SYNPR: variants seen among roughly 807,000 people sequenced by gnomAD.
SYNPR encodes the protein synaptoporin.
SYNPR carries 23 observed loss-of-function variants against 32.9 expected under a neutral mutation model. That is an observed-to-expected ratio of 0.70 (90% CI 0.50 to 0.99). The LOEUF is 0.99. Ranked by LOEUF, SYNPR falls within the 50% of genes least tolerant of loss-of-function variation. SYNPR has a pLI of 0.00. For synonymous variants in SYNPR, 146 were observed against 135.9 expected, an observed-to-expected ratio of 1.07 and a Z score of -0.52; for missense variants, 318 against 349.3, an observed-to-expected ratio of 0.91 and a Z score of 0.71.
chr3:63,489,800 A>T (rs6809418), intron 3 of SYNPR, among the ~76,000 whole-genome samples: 65,610 of 152,032 alleles, frequency 0.43, 14,209 homozygotes, highest in East Asian at 0.49. Flanking sequence ...GTAAAATAAG[A>T]ATTAGTGGGA....
At chr3:63,595,717 TTATATATATA>T (rs1169780634) in intron 4 of SYNPR, among the ~76,000 whole-genome samples, 768 of 17,712 alleles carry the variant, frequency 0.043, 24 homozygotes, top group Non-Finnish European at 0.068. Context: ...GAATCTTATT[TTATATATATA>T]TATATATATA....
At chr3:63,392,770 T>TTTA (rs1005520098) in intron 2 of SYNPR, among the ~76,000 whole-genome samples, 1 of 152,056 alleles carries the variant, frequency 6.6e-6, no homozygotes, top group African/African-American at 2.4e-5. Context: ...CATTTTCTTT[T>TTTA]TTATTATTAT....
At chr3:63,314,793 C>G (rs964495634) in intron 2 of SYNPR, among the ~76,000 whole-genome samples, 1 of 151,878 alleles carries the variant, frequency 6.6e-6, no homozygotes, top group Non-Finnish European at 1.5e-5. Context: ...TCATGAAATC[C>G]TTGCCTAAGC....
At chr3:63,526,086 C>A (rs556384096) in intron 3 of SYNPR, among the ~76,000 whole-genome samples, 25 of 152,190 alleles carry the variant, frequency 1.6e-4, no homozygotes, top group Non-Finnish European at 3.2e-4. Flanking sequence ...ACAGCCAGTT[C>A]TCTTAGGAAC....
At chr3:63,314,099 C>CCATATATATATAT (rs1560189224) in intron 2 of SYNPR, among the ~76,000 whole-genome samples, 12 of 111,270 alleles carry the variant, frequency 1.1e-4, no homozygotes, top group East Asian at 5.3e-4. Flanking sequence ...ATATATATAT[C>CCATATATATATAT]ACAGTTTCTT....
chr3:63,401,376 A>G (rs1430581426), intron 2 of SYNPR, among the ~76,000 whole-genome samples: 1 of 152,214 alleles, frequency 6.6e-6, no homozygotes, highest in Non-Finnish European at 1.5e-5. Context: ...ATTAGAAGTA[A>G]GAAGAAAAGG....
At chr3:63,259,697 C>G (rs1314791423) in intron 2 of SYNPR, among the ~76,000 whole-genome samples, 1 of 152,176 alleles carries the variant, frequency 6.6e-6, no homozygotes, top group Non-Finnish European at 1.5e-5. Context: ...CACTCCTATT[C>G]AACATAGTGT....
intron 2 of SYNPR, among the ~76,000 whole-genome samples, chr3:63,452,787 C>T (rs1476533832): frequency 2.6e-5 from 4 of 152,114 alleles, no homozygotes; most frequent in Non-Finnish European, 5.9e-5. Flanking sequence ...TAGGCTCTCA[C>T]CCATTATGTT....
At chr3:63,388,881 C>T (rs1298440671) in intron 2 of SYNPR, among the ~76,000 whole-genome samples, 1 of 152,072 alleles carries the variant, frequency 6.6e-6, no homozygotes, top group East Asian at 1.9e-4. Context: ...GCTCACACAA[C>T]ACAAATTCCC....
intron 2 of SYNPR, among the ~76,000 whole-genome samples, chr3:63,468,428 A>G (rs957235168): frequency 6.6e-6 from 1 of 151,810 alleles, no homozygotes; most frequent in African/African-American, 2.4e-5. Flanking sequence ...CTTAAGTGTG[A>G]TGTTATTTAT....
intron 2 of SYNPR, among the ~76,000 whole-genome samples, chr3:63,339,680 T>C (rs59199094): frequency 6.6e-6 from 1 of 150,742 alleles, no homozygotes; most frequent in African/African-American, 2.4e-5. Context: ...TTTTTTGAGA[T>C]GGAGTTTCGC....
intron 2 of SYNPR, among the ~76,000 whole-genome samples, chr3:63,257,086 A>G (rs1446773150): frequency 8.5e-5 from 13 of 152,186 alleles, no homozygotes; most frequent in Admixed American, 7.2e-4. Flanking sequence ...GACCAAATCT[A>G]TATCTGATTG....
chr3:63,239,141 CATT>C (rs1277474771), intron 1 of SYNPR, among the ~76,000 whole-genome samples: 1 of 152,098 alleles, frequency 6.6e-6, no homozygotes, highest in Non-Finnish European at 1.5e-5. Flanking sequence ...TTAGCACTCT[CATT>C]ATAGATGTGG....
intron 3 of SYNPR, among the ~76,000 whole-genome samples, chr3:63,513,480 T>C (rs1701736293): frequency 6.6e-6 from 1 of 152,130 alleles, no homozygotes; most frequent in Non-Finnish European, 1.5e-5. Flanking sequence ...AGCTGCATGG[T>C]ATTATAGGAT....
intron 4 of SYNPR, among the ~76,000 whole-genome samples, chr3:63,564,551 G>A (rs1413071173): frequency 2.0e-5 from 3 of 151,836 alleles, no homozygotes; most frequent in Admixed American, 1.3e-4. Flanking sequence ...AAGAAGTGTC[G>A]ATAATGCAAA....
chr3:63,309,951 G>A (rs1350780616), intron 2 of SYNPR, among the ~76,000 whole-genome samples: 5 of 151,974 alleles, frequency 3.3e-5, no homozygotes, highest in Middle Eastern at 3.4e-3. Context: ...GTCTGAGACG[G>A]TATTTGCATG....
chr3:63,320,708 A>T (rs2087102625), intron 2 of SYNPR, among the ~76,000 whole-genome samples: 1 of 152,076 alleles, frequency 6.6e-6, no homozygotes, highest in Non-Finnish European at 1.5e-5. Flanking sequence ...AGACCCTAAC[A>T]GTTCGTTTGT....
At chr3:63,611,051 A>C (rs1049150956) in intron 5 of SYNPR, among the ~76,000 whole-genome samples, 6 of 152,186 alleles carry the variant, frequency 3.9e-5, no homozygotes, top group Non-Finnish European at 5.9e-5. Context: ...AAGGCAAACC[A>C]ATCCTCATAT....
chr3:63,500,228 A>C (rs1701453985), intron 3 of SYNPR, among the ~76,000 whole-genome samples: 1 of 152,114 alleles, frequency 6.6e-6, no homozygotes. Context: ...CCCATCCTAA[A>C]CGATAATACC....
Sources: allele counts gnomAD v4.1 joint callset (sites outside exome capture counted in the v4.1 genomes callset), GRCh38; gene constraint gnomAD v4.1.1; transcripts MANE v1.5; gene names NCBI Gene and HGNC (gene_info 2026-07-23, HGNC 2026-07-21).